Variants in NDUFA5 observed in about 807,000 individuals in gnomAD.
NDUFA5 encodes NADH:ubiquinone oxidoreductase subunit A5.
Under a neutral mutation model 19.8 loss-of-function variants are expected in NDUFA5, and 11 were observed. The ratio of observed to expected loss-of-function variants is 0.56; its 90% confidence interval spans 0.35 to 0.92. The LOEUF (loss-of-function observed/expected upper bound fraction) is 0.92. Ranked by LOEUF, NDUFA5 falls within the 40% of genes least tolerant of loss-of-function variation. The probability of loss-of-function intolerance (pLI) is 0.01; values close to 1 mark genes in which losing one functional copy is unlikely to be tolerated. For synonymous variants in NDUFA5, 47 were observed against 46.8 expected, an observed-to-expected ratio of 1.00 and a Z score of -0.01; for missense variants, 109 against 134.2, an observed-to-expected ratio of 0.81 and a Z score of 0.93.
rs764469698 is a variant in NDUFA5, at chr7:123,542,111, C to T, written c.*8G>A. On this transcript the variant is annotated 3_prime_UTR_variant, in exon 5 of 5. Coordinates refer to ENST00000355749, the MANE Select transcript of NDUFA5 (RefSeq NM_005000.5). ...GTTTCCCATGAACACACCAAAGTCA[C>T]TTAATAATTATATTGGCCATTTCCA... 6.3e-7 allele frequency: 1 copy of T among 1,598,312 alleles called. No homozygotes were observed. The highest frequency in any genetic ancestry group is 1.1e-5 in the South Asian group (1 of 89,882).
At chr7:123,597,118 A>G in the NDUFA5 span, among the ~76,000 whole-genome samples, 1 of 152,232 alleles carries the variant, frequency 6.6e-6, no homozygotes, top group Non-Finnish European at 1.5e-5. Context: ...AAATCCTAGC[A>G]ATAAACAATT....
At chr7:123,594,608 A>G in the NDUFA5 span, among the ~76,000 whole-genome samples, 2 of 152,174 alleles carry the variant, frequency 1.3e-5, no homozygotes, top group African/African-American at 4.8e-5. Flanking sequence ...TATCACCAGC[A>G]GAAGCTGCAG....
chr7:123,585,988 C>T, the NDUFA5 span, among the ~76,000 whole-genome samples: 1 of 151,676 alleles, frequency 6.6e-6, no homozygotes, highest in Admixed American at 6.6e-5. Context: ...CTTATGGACA[C>T]TTAGGTTAAT....
upstream of NDUFA5, chr7:123,557,845 G>A (rs778612682): frequency 6.2e-7 from 1 of 1,607,064 alleles, no homozygotes; most frequent in South Asian, 1.1e-5. Flanking sequence ...ACAATTCTCA[G>A]ACCTGCTCAA....
At chr7:123,543,447 G>C (rs993728217) in intron 4 of NDUFA5, among the ~76,000 whole-genome samples, 6 of 152,056 alleles carry the variant, frequency 3.9e-5, no homozygotes, top group African/African-American at 1.4e-4. Context: ...CCCATACATG[G>C]CTACTGGGGA....
chr7:123,550,381 G>A (rs1310869346), intron 3 of NDUFA5, 89 bp downstream of exon 3: 4 of 757,146 alleles, frequency 5.3e-6, no homozygotes, highest in Non-Finnish European at 9.2e-6. Context: ...GAGAATAGAA[G>A]AAAAGTGTGT....
At chr7:123,550,859 T>C (rs534791491) in intron 2 of NDUFA5, among the ~76,000 whole-genome samples, 5 of 152,352 alleles carry the variant, frequency 3.3e-5, no homozygotes, top group African/African-American at 7.2e-5. Flanking sequence ...TGATAACAAG[T>C]AGAAACAAAA....
chr7:123,584,622 C>T, the NDUFA5 span, among the ~76,000 whole-genome samples: 2 of 151,914 alleles, frequency 1.3e-5, no homozygotes, highest in African/African-American at 4.8e-5. Context: ...GCAAGAAAAT[C>T]AACCTAAAAT....
At chr7:123,596,840 G>A in the NDUFA5 span, among the ~76,000 whole-genome samples, 1 of 152,138 alleles carries the variant, frequency 6.6e-6, no homozygotes, top group Non-Finnish European at 1.5e-5. Flanking sequence ...TATTTTCAGA[G>A]AGAATAGAGT....
the NDUFA5 span, among the ~76,000 whole-genome samples, chr7:123,587,827 G>A: frequency 6.6e-6 from 1 of 151,616 alleles, no homozygotes; most frequent in Non-Finnish European, 1.5e-5. Context: ...TGTTAATGTG[G>A]CATATCATAT....
chr7:123,582,359 CAAAT>C, the NDUFA5 span, among the ~76,000 whole-genome samples: 1 of 152,026 alleles, frequency 6.6e-6, no homozygotes, highest in East Asian at 1.9e-4. Flanking sequence ...GAGATTCTGA[CAAAT>C]AACACCACTA....
chr7:123,547,970 T>C (rs1010177000), intron 3 of NDUFA5, among the ~76,000 whole-genome samples: 4 of 151,926 alleles, frequency 2.6e-5, no homozygotes, highest in Admixed American at 2.6e-4. Context: ...GATGATGAAA[T>C]TGAGACCGAG....
intron 3 of NDUFA5, among the ~76,000 whole-genome samples, chr7:123,548,060 G>A (rs1000255351): frequency 6.6e-6 from 1 of 151,700 alleles, no homozygotes; most frequent in African/African-American, 2.4e-5. Context: ...CACAAACAAC[G>A]CTTTTCACCA....
At chr7:123,585,346 C>G in the NDUFA5 span, among the ~76,000 whole-genome samples, 1 of 151,626 alleles carries the variant, frequency 6.6e-6, no homozygotes, top group Non-Finnish European at 1.5e-5. Context: ...CTTCCTCCCC[C>G]TATTCCCTAA....
intron 2 of NDUFA5, chr7:123,557,083 G>A (rs1331027724): frequency 1.8e-6 from 1 of 570,160 alleles, no homozygotes; most frequent in Admixed American, 2.2e-5. Flanking sequence ...AGCAGAAACG[G>A]TAAGGCAAGG....
chr7:123,587,173 AC>A, the NDUFA5 span, among the ~76,000 whole-genome samples: 1 of 151,574 alleles, frequency 6.6e-6, no homozygotes, highest in African/African-American at 2.4e-5. Context: ...ACATTTTAAC[AC>A]TGTTAATTCT....
chr7:123,544,542 G>T (rs1798058378), intron 4 of NDUFA5, among the ~76,000 whole-genome samples: 1 of 150,208 alleles, frequency 6.7e-6, no homozygotes, highest in Non-Finnish European at 1.5e-5. Flanking sequence ...TACATATGGG[G>T]GAAAAACCCC....
the NDUFA5 span, among the ~76,000 whole-genome samples, chr7:123,588,705 T>G: frequency 6.6e-6 from 1 of 151,618 alleles, no homozygotes; most frequent in African/African-American, 2.4e-5. Flanking sequence ...CATAGGTGTT[T>G]ACTGCTATGC....
At chr7:123,587,750 G>A in the NDUFA5 span, among the ~76,000 whole-genome samples, 2 of 151,682 alleles carry the variant, frequency 1.3e-5, no homozygotes, top group Non-Finnish European at 3.0e-5. Flanking sequence ...TATCAAAAAA[G>A]ATGTTGATAT....
Sources: gnomAD v4.1 joint callset for allele counts (sites outside exome capture counted in the v4.1 genomes callset) on GRCh38, gnomAD v4.1.1 for gene constraint, MANE v1.5 for transcripts, NCBI Gene and HGNC (gene_info 2026-07-23, HGNC 2026-07-21) for gene names.